Variants in ATRNL1 observed in about 807,000 individuals in gnomAD.
ATRNL1 encodes attractin like 1.
A neutral mutation model predicts 182.7 loss-of-function variants in ATRNL1; 95 were observed. The observed-to-expected ratio is 0.52, with a 90% confidence interval of 0.44 to 0.62. The LOEUF is 0.62. ATRNL1 is among the 20% of genes least tolerant of loss of function. ATRNL1 has a pLI of 0.00. For missense variants in ATRNL1, 1,471 were observed against 1,679.5 expected (o/e 0.88, Z 2.17); for synonymous variants, 576 against 568.3 (o/e 1.01, Z -0.19).
At chr10:115,586,539 T>A (rs9757947) in intron 26 of ATRNL1, among the ~76,000 whole-genome samples, 3,044 of 68,714 alleles carry the variant, frequency 0.044, 18 homozygotes, top group Non-Finnish European at 0.066. Context: ...CTTCCAGTTG[T>A]TCGCATCGGC....
At chr10:115,480,103 TAA>T (rs2134608254) in intron 24 of ATRNL1, among the ~76,000 whole-genome samples, 1 of 151,256 alleles carries the variant, frequency 6.6e-6, no homozygotes, top group East Asian at 1.9e-4. Context: ...TAGCATTGGT[TAA>T]GTTATACAGA....
At chr10:115,626,571 TAGAC>T (rs1289470048) in intron 26 of ATRNL1, among the ~76,000 whole-genome samples, 15 of 152,160 alleles carry the variant, frequency 9.9e-5, no homozygotes, top group Non-Finnish European at 1.2e-4. Context: ...TATGTTTCCT[TAGAC>T]AGGCAGCAAT....
intron 4 of ATRNL1, among the ~76,000 whole-genome samples, chr10:115,128,812 G>A (rs1438755048): frequency 7.2e-6 from 1 of 139,064 alleles, no homozygotes; most frequent in Non-Finnish European, 1.5e-5. Context: ...GGGCGACAGA[G>A]CGAGACTGTG....
At position 115,857,647 on chromosome 10, in the gene ATRNL1, G is replaced by A. The variant is rs115879429; in HGVS notation, c.4018+9656G>A. On this transcript the variant is annotated intron_variant, in intron 28 of 28. Transcript: ENST00000355044. ...TTCAGACTTTTAAATATATCTTTCC[G>A]TCACTTTTGTGAGAAATTGATTAAT... is the stretch of plus-strand genomic sequence containing the variant. 5.0e-3 allele frequency among the ~76,000 whole-genome samples: 759 copies of A among 152,126 alleles called. 10 individuals are homozygous for A. The highest frequency in any genetic ancestry group is 0.017 in the African/African-American group (716 of 41,478).
At chr10:115,320,169 T>A (rs1323628914) in intron 18 of ATRNL1, among the ~76,000 whole-genome samples, 1 of 152,176 alleles carries the variant, frequency 6.6e-6, no homozygotes, top group Non-Finnish European at 1.5e-5. Flanking sequence ...TTTGGCTGGA[T>A]ATGAAATTCT....
At chr10:115,470,214 T>C (rs1284105761) in intron 24 of ATRNL1, among the ~76,000 whole-genome samples, 2 of 150,450 alleles carry the variant, frequency 1.3e-5, no homozygotes, top group African/African-American at 2.4e-5. Context: ...TAAAATCATA[T>C]GTTTACTGGA....
intron 19 of ATRNL1, among the ~76,000 whole-genome samples, chr10:115,388,946 T>C (rs1215648251): frequency 6.6e-6 from 1 of 152,188 alleles, no homozygotes; most frequent in Non-Finnish European, 1.5e-5. Flanking sequence ...TTAATAACAT[T>C]TAAAATCTAC....
intron 10 of ATRNL1, among the ~76,000 whole-genome samples, chr10:115,262,427 G>A (rs1851432282): frequency 6.6e-6 from 1 of 151,860 alleles, no homozygotes; most frequent in Admixed American, 6.6e-5. Context: ...AAAATAAGTT[G>A]CAAAAAGATT....
intron 5 of ATRNL1, among the ~76,000 whole-genome samples, chr10:115,144,825 G>C (rs181435236): frequency 6.6e-6 from 1 of 152,262 alleles, no homozygotes; most frequent in African/African-American, 2.4e-5. Flanking sequence ...TAATACAGTA[G>C]CAGTTTCCTT....
chr10:115,232,190 T>A (rs1383574871), intron 9 of ATRNL1, among the ~76,000 whole-genome samples: 1 of 152,202 alleles, frequency 6.6e-6, no homozygotes, highest in Non-Finnish European at 1.5e-5. Flanking sequence ...CAGCCTCATC[T>A]TACTAATTTG....
chr10:115,890,512 C>T (rs1324369059), intron 28 of ATRNL1, among the ~76,000 whole-genome samples: 1 of 152,044 alleles, frequency 6.6e-6, no homozygotes, highest in African/African-American at 2.4e-5. Flanking sequence ...TTTTTTTCTT[C>T]AGATCATCTT....
At chr10:115,102,843 A>G (rs528301004) in intron 1 of ATRNL1, among the ~76,000 whole-genome samples, 1 of 152,304 alleles carries the variant, frequency 6.6e-6, no homozygotes, top group East Asian at 1.9e-4. Flanking sequence ...TTTGTCAATT[A>G]AAAAAGTCTT....
intron 24 of ATRNL1, among the ~76,000 whole-genome samples, chr10:115,502,040 T>G (rs1034768161): frequency 2.0e-5 from 3 of 152,148 alleles, no homozygotes; most frequent in African/African-American, 7.2e-5. Context: ...AGCCAAAGTT[T>G]AAGACACAAT....
chr10:115,830,470 C>T (rs2134309529), intron 27 of ATRNL1, among the ~76,000 whole-genome samples: 1 of 152,066 alleles, frequency 6.6e-6, no homozygotes, highest in African/African-American at 2.4e-5. Flanking sequence ...GTCTTGTTAC[C>T]AAGACTTTGT....
At chr10:115,350,939 C>G (rs1856220135) in intron 19 of ATRNL1, among the ~76,000 whole-genome samples, 1 of 151,920 alleles carries the variant, frequency 6.6e-6, no homozygotes, top group Admixed American at 6.6e-5. Context: ...TTTTCAATTT[C>G]TTTCATCAGT....
At chr10:115,862,143 T>A (rs1267079139) in intron 28 of ATRNL1, among the ~76,000 whole-genome samples, 1 of 152,212 alleles carries the variant, frequency 6.6e-6, no homozygotes, top group Non-Finnish European at 1.5e-5. Flanking sequence ...TTGTGGATTT[T>A]TAGATCACAG....
intron 18 of ATRNL1, among the ~76,000 whole-genome samples, chr10:115,321,665 T>C (rs1041435989): frequency 1.4e-5 from 2 of 138,992 alleles, no homozygotes; most frequent in Non-Finnish European, 3.1e-5. Context: ...GAGGGAAAGG[T>C]GAAAGCTTTT....
At chr10:115,846,384 G>C (rs1370824031) in intron 27 of ATRNL1, among the ~76,000 whole-genome samples, 3 of 151,948 alleles carry the variant, frequency 2.0e-5, no homozygotes, top group Admixed American at 6.6e-5. Context: ...TATCTTTAAT[G>C]CCTCATTAAA....
chr10:115,919,043 T>C (rs1565487224), intron 28 of ATRNL1, among the ~76,000 whole-genome samples: 1 of 152,126 alleles, frequency 6.6e-6, no homozygotes, highest in Non-Finnish European at 1.5e-5. Flanking sequence ...GACTCAGCAA[T>C]AAAACTTCGC....
Sources: allele counts gnomAD v4.1 joint callset (sites outside exome capture counted in the v4.1 genomes callset), GRCh38; gene constraint gnomAD v4.1.1; transcripts MANE v1.5; gene names NCBI Gene and HGNC (gene_info 2026-07-23, HGNC 2026-07-21).